SIPA1L2: variants seen among roughly 807,000 people sequenced by gnomAD.
The protein encoded by SIPA1L2 is signal-induced proliferation-associated 1-like protein 2.
SIPA1L2 carries 56 observed loss-of-function variants against 163.9 expected under a neutral mutation model. The observed-to-expected ratio is 0.34, with a 90% CI of 0.28 to 0.43. The LOEUF (loss-of-function observed/expected upper bound fraction) is 0.43, where lower values mean the gene tolerates loss of function less well. Among genes scored for constraint, SIPA1L2 ranks in the 20% least tolerant of loss-of-function variants. The probability of loss-of-function intolerance (pLI) is 1.00; values close to 1 mark genes in which losing one functional copy is unlikely to be tolerated. For missense variants in SIPA1L2, 1,974 were observed against 2,193.5 expected (o/e 0.90, Z 2.00); for synonymous variants, 877 against 865.7 (o/e 1.01, Z -0.23).
chr1:232,616,590 G>C (rs868202210), intron 1 of SIPA1L2, among the ~76,000 whole-genome samples: 1 of 152,208 alleles, frequency 6.6e-6, no homozygotes, highest in Admixed American at 6.5e-5. Context: ...GAATCCACAC[G>C]TGTCAGGTGG....
In SIPA1L2 at chr1:232,553,242, T is replaced by C. The variant is rs1042654698; in HGVS notation, c.-270+20932A>G. Among the ~76,000 whole-genome samples, 5 of 152,282 alleles carry C rather than the reference T, an allele frequency of 3.3e-5. No individual in the cohort carries two copies. The South Asian group carries it at 1.0e-3, about 32-fold the overall frequency. On this transcript the variant is annotated intron_variant, in intron 2 of 22. Transcript: ENST00000674635. ...GGCTGATCTCCTCCCCAACTGTCCC[T>C]AGTCGAACTTCTCTGGATATTCAGA...
chr1:232,535,038 T>C (rs1657217480), intron 2 of SIPA1L2, among the ~76,000 whole-genome samples: 1 of 152,214 alleles, frequency 6.6e-6, no homozygotes, highest in Non-Finnish European at 1.5e-5. Context: ...AGGACAGAAT[T>C]ACTTCCACTG....
chr1:232,485,924 C>T (rs73095135), intron 5 of SIPA1L2, among the ~76,000 whole-genome samples: 1,600 of 152,298 alleles, frequency 0.011, 31 homozygotes, highest in African/African-American at 0.037. Flanking sequence ...GCACCATCAT[C>T]CTCATCCTCG....
At chr1:232,630,363 C>A (rs745801046), upstream of SIPA1L2, among the ~76,000 whole-genome samples, 31 of 152,014 alleles carry the variant, frequency 2.0e-4, no homozygotes, top group Non-Finnish European at 3.7e-4. Context: ...GGACGCCCTT[C>A]TTGGGGAGGG....
chr1:232,512,690 T>C (rs536084813), intron 3 of SIPA1L2, among the ~76,000 whole-genome samples: 1 of 152,188 alleles, frequency 6.6e-6, no homozygotes, highest in African/African-American at 2.4e-5. Context: ...ACCTAATGCA[T>C]TCAGGGCTTA....
Position 232,515,071 on chromosome 1 carries a change from G to C in SIPA1L2, c.269C>G (p.Ser90Cys), listed in dbSNP as rs772086985. 3.7e-6 allele frequency: 6 copies of C among 1,614,002 alleles called. No individual in the cohort carries two copies. Among genetic ancestry groups the C allele is most frequent in the East Asian group, 4.5e-5 (2 of 44,892 alleles). ...VSEWPPKKDC[S>C]KELTCKALWE... The stretch of plus-strand genomic sequence containing the variant: ...CAGTGCCTTGCATGTTAGCTCCTTG[G>C]AACAGTCCTTTTTAGGAGGCCATTC... Residue 90 changes from serine to cysteine, a missense_variant, in exon 3 of 23, where the codon TCC becomes TGC. Ser to Cys is a moderately radical substitution (Grantham distance 112). Transcript: ENST00000674635.
At chr1:232,628,214 T>C (rs915701485) in intron 1 of SIPA1L2, among the ~76,000 whole-genome samples, 36 of 152,202 alleles carry the variant, frequency 2.4e-4, no homozygotes, top group Non-Finnish European at 2.4e-4. Flanking sequence ...GGGCTTGTGC[T>C]TAGAAATGAA....
intron 10 of SIPA1L2, among the ~76,000 whole-genome samples, chr1:232,450,959 AG>A (rs1242712273): frequency 6.6e-6 from 1 of 152,194 alleles, no homozygotes; most frequent in Non-Finnish European, 1.5e-5. Flanking sequence ...CATATAGGAA[AG>A]GTCTTTTAAA....
intron 2 of SIPA1L2, among the ~76,000 whole-genome samples, chr1:232,544,433 G>A (rs889232167): frequency 6.6e-6 from 1 of 151,984 alleles, no homozygotes; most frequent in Admixed American, 6.6e-5. Flanking sequence ...GGTGGCAGGC[G>A]CCTGTAGTCC....
chr1:232,409,230 A>T (rs1249136410), intron 19 of SIPA1L2, among the ~76,000 whole-genome samples: 1 of 152,242 alleles, frequency 6.6e-6, no homozygotes, highest in South Asian at 2.1e-4. Context: ...AAGTTAATTC[A>T]GGAAGCACCG....
At chr1:232,597,686 T>C (rs1186260651) in intron 1 of SIPA1L2, among the ~76,000 whole-genome samples, 8 of 63,814 alleles carry the variant, frequency 1.3e-4, no homozygotes, top group Non-Finnish European at 2.0e-4. Context: ...CGAAACTCTG[T>C]CTCAAAAAAA....
rs541786761 is a variant in SIPA1L2 at position 232,463,404 on chromosome 1, A to C, written c.2820+1436T>G. Among the ~76,000 whole-genome samples, 4 of 152,242 alleles carry C rather than the reference A, an allele frequency of 2.6e-5. No homozygotes were observed. The South Asian group carries it at 8.3e-4, about 32-fold the overall frequency. ...ACTCTGCATCAACCCTTACGATCTAATCCCTTCAACAGTCTTTGGTCTGGC... is the reference window on the plus strand; with the variant it reads ...ACTCTGCATCAACCCTTACGATCTACTCCCTTCAACAGTCTTTGGTCTGGC... On this transcript the variant is annotated intron_variant, in intron 9 of 22. Transcript: ENST00000674635.
chr1:232,530,590 G>A (rs1656858197), intron 2 of SIPA1L2, among the ~76,000 whole-genome samples: 1 of 152,070 alleles, frequency 6.6e-6, no homozygotes, highest in South Asian at 2.1e-4. Context: ...AAAAAAAAAG[G>A]TTAACAAGTT....
chr1:232,573,118 G>A lies in SIPA1L2; in HGVS notation c.-270+1056C>T, dbSNP rs529043618. ...TTTAAAGGCAAGCTCCCAGGCCACA[G>A]ACCTCAAAATGCACCAACACGCATA... On this transcript the variant is annotated intron_variant, in intron 2 of 22. Transcript: ENST00000674635. Among the ~76,000 whole-genome samples, 15 of 152,050 alleles carry A rather than the reference G, an allele frequency of 9.9e-5. No individual in the cohort carries two copies. In the East Asian group the frequency reaches 2.3e-3, roughly 24 times the overall value.
chr1:232,544,948 G>A (rs148028649), intron 2 of SIPA1L2, among the ~76,000 whole-genome samples: 96 of 152,210 alleles, frequency 6.3e-4, no homozygotes, highest in African/African-American at 2.2e-3. Flanking sequence ...TTTTAAAGGC[G>A]TTAACAGGAA....
At chr1:232,629,412 C>G (rs1663249849) in intron 1 of SIPA1L2, among the ~76,000 whole-genome samples, 2 of 152,204 alleles carry the variant, frequency 1.3e-5, no homozygotes, top group African/African-American at 4.8e-5. Context: ...CCGGTGAGGG[C>G]GCGCGCTCCG....
At chr1:232,414,336 C>T (rs1287232577) in intron 19 of SIPA1L2, among the ~76,000 whole-genome samples, 2 of 152,142 alleles carry the variant, frequency 1.3e-5, no homozygotes, top group African/African-American at 4.8e-5. Flanking sequence ...CTGGGTAGAG[C>T]GAAGCCACCA....
Position 232,439,124 on chromosome 1 carries a change from T to A in SIPA1L2, c.4015A>T (p.Ile1339Leu), listed in dbSNP as rs1235907538. The A allele has an allele frequency of 6.2e-7, 1 of 1,608,042 alleles. No individual in the cohort carries two copies. The highest frequency in any genetic ancestry group is 1.1e-5 in the South Asian group (1 of 90,542). ...AEGSMGDLSE[I>L]SSHSSGSHHS... is the part of the protein sequence containing the mutation. ...GGGGCTTACCTGGAATGAGAGGATA[T>A]CTCACTGAGATCGCCCATGCTGCCT... is the stretch of plus-strand genomic sequence containing the variant. The change falls in exon 15 of 23, where the codon ATA (isoleucine) becomes TTA (leucine). Residue 1339 changes from isoleucine to leucine, a missense_variant. Coordinates refer to ENST00000674635, the MANE Select transcript of SIPA1L2 (RefSeq NM_020808.5).
chr1:232,435,101 C>G (rs780822832), intron 15 of SIPA1L2, among the ~76,000 whole-genome samples: 5 of 152,072 alleles, frequency 3.3e-5, no homozygotes, highest in Admixed American at 6.5e-5. Context: ...TGGATGATCC[C>G]CGAGATGTTT....
Sources: allele counts gnomAD v4.1 joint callset (sites outside exome capture counted in the v4.1 genomes callset), GRCh38; gene constraint gnomAD v4.1.1; transcripts MANE v1.5; gene names NCBI Gene and HGNC (gene_info 2026-07-23, HGNC 2026-07-21).